MYO18B: variants seen among roughly 807,000 people sequenced by gnomAD.
The protein encoded by MYO18B is unconventional myosin-XVIIIb.
MYO18B carries 204 observed loss-of-function variants against 273.0 expected under a neutral mutation model. The ratio of observed to expected loss-of-function variants is 0.75; its 90% CI spans 0.67 to 0.84. The LOEUF (loss-of-function observed/expected upper bound fraction) is 0.84. MYO18B is among the 40% of genes least tolerant of loss of function. The pLI, the probability that MYO18B is intolerant of heterozygous loss-of-function variation, is 0.00. For synonymous variants in MYO18B, 1,330 were observed against 1,305.7 expected (o/e 1.02, Z -0.40); for missense variants, 3,212 against 3,287.6 (o/e 0.98, Z 0.56).
chr22:25,763,437 A>G (rs765408579), intron 3 of MYO18B, 48 bp downstream of exon 3: 13 of 1,573,346 alleles, frequency 8.3e-6, no homozygotes, highest in Non-Finnish European at 1.1e-5. Context: ...CATACCCATC[A>G]TTCTGTCTTG....
rs2092143087 is a variant in MYO18B at position 25,910,857 on chromosome 22, T to C, written c.5260-89T>C. On this transcript the variant is annotated intron_variant, in intron 32 of 43. Transcript: ENST00000335473. ...TGGAACAAAGCCACAAGCTCTACAT[T>C]CCTCCGCCTTCTGAGGGTCCTTGCC... The C allele has an allele frequency of 6.8e-6, 7 of 1,022,066 alleles. No homozygotes were observed. In the Middle Eastern group the frequency reaches 6.6e-4, roughly 97 times the overall value. 63.3% of individuals were successfully genotyped at this position (1,022,066 alleles called of 1,614,324 possible). A position where few individuals can be genotyped will look rare whatever the true frequency, so the allele number is the denominator to read the frequency against.
At chr22:25,778,866 C>T (rs1457672621) in intron 8 of MYO18B, among the ~76,000 whole-genome samples, 2 of 151,568 alleles carry the variant, frequency 1.3e-5, no homozygotes, top group Non-Finnish European at 1.5e-5. Context: ...AGATTGAAGG[C>T]ATTGAGATTC....
chr22:25,828,874 C>T lies in MYO18B; in HGVS notation c.2885C>T (p.Thr962Ile), dbSNP rs757406371. The change falls in exon 15 of 44, where the codon ACC (threonine) becomes ATC (isoleucine). Residue 962 changes from threonine to isoleucine, a missense_variant. By Grantham distance (89) the Thr-to-Ile change is moderately conservative. Transcript: ENST00000335473. ...CACCAGGGCAAGGACCGGGCGGCCA[C>T]CTTTGAGGAGCTGTGCCACAACTAC... ...PRHQGKDRAA[T>I]FEELCHNYAH... The T allele has an allele frequency of 1.2e-6, 2 of 1,614,016 alleles. No homozygotes were observed. Among genetic ancestry groups the T allele is most frequent in the Non-Finnish European group, 1.7e-6 (2 of 1,179,894 alleles).
chr22:25,834,078 G>T (rs2089810139), intron 16 of MYO18B, among the ~76,000 whole-genome samples: 1 of 152,090 alleles, frequency 6.6e-6, no homozygotes, highest in African/African-American at 2.4e-5. Context: ...TGATTTAGCA[G>T]TGTTGGCTGG....
chr22:26,039,952 G>A, the MYO18B span, among the ~76,000 whole-genome samples: 1,494 of 152,262 alleles, frequency 9.8e-3, 8 homozygotes, highest in Non-Finnish European at 0.016. Context: ...AGCCTCCTGA[G>A]TGGCTGGGAC....
intron 42 of MYO18B, among the ~76,000 whole-genome samples, chr22:26,019,053 T>G (rs750069209): frequency 6.6e-6 from 1 of 152,216 alleles, no homozygotes; most frequent in African/African-American, 2.4e-5. Flanking sequence ...GCTTCACAGT[T>G]TCTCTGGAAT....
At chr22:25,926,995 C>T (rs1172814946) in intron 34 of MYO18B, among the ~76,000 whole-genome samples, 1 of 152,202 alleles carries the variant, frequency 6.6e-6, no homozygotes, top group African/African-American at 2.4e-5. Context: ...AACACTTCCC[C>T]AGTCAGTACC....
At chr22:25,922,980 C>G (rs1239624786) in intron 34 of MYO18B, among the ~76,000 whole-genome samples, 3 of 152,234 alleles carry the variant, frequency 2.0e-5, no homozygotes, top group Non-Finnish European at 2.9e-5. Context: ...CAACCCGGGA[C>G]CACACTCTGC....
chr22:25,895,466 C>T (rs1295229073), intron 28 of MYO18B, 186 bp downstream of exon 28: 2 of 644,416 alleles, frequency 3.1e-6, no homozygotes, highest in African/African-American at 3.7e-5. Flanking sequence ...AAAATATTGT[C>T]TGTACATGTG....
the MYO18B span, among the ~76,000 whole-genome samples, chr22:26,044,105 T>C: frequency 6.6e-6 from 1 of 152,254 alleles, no homozygotes; most frequent in South Asian, 2.1e-4. Context: ...GAACCCATTT[T>C]CAAGAACTTA....
intron 9 of MYO18B, among the ~76,000 whole-genome samples, chr22:25,780,644 A>G (rs1013817932): frequency 6.7e-6 from 1 of 150,144 alleles, no homozygotes; most frequent in Non-Finnish European, 1.5e-5. Flanking sequence ...AGAAAATAGT[A>G]ATAATAATAA....
intron 39 of MYO18B, among the ~76,000 whole-genome samples, chr22:25,967,842 C>T (rs1300651630): frequency 1.3e-5 from 2 of 152,194 alleles, no homozygotes; most frequent in African/African-American, 4.8e-5. Flanking sequence ...TATCTGTTTG[C>T]CAGAGCTGAC....
In MYO18B at chr22:25,810,433, ATTT is replaced by A. The variant is rs369429871; in HGVS notation, c.2521+12352_2521+12354del. Among the ~76,000 whole-genome samples, 173 of 96,854 alleles carry A rather than the reference ATTT, an allele frequency of 1.8e-3. 8 individuals carry two copies. The South Asian group carries it at 0.047, about 26-fold the overall frequency. The allele number at this position is 96,854 out of a possible 152,430, so 63.5% of individuals were successfully genotyped here. ...TTTTTTTTTTTTTTAATAGGCTATA[ATTT>A]TTTTTTTTTTTTTTTGAGATGGTGT... On this transcript the variant is annotated intron_variant, in intron 12 of 43. Transcript: ENST00000335473.
intron 9 of MYO18B, among the ~76,000 whole-genome samples, chr22:25,781,353 T>G (rs2087141001): frequency 6.6e-6 from 1 of 152,166 alleles, no homozygotes; most frequent in Admixed American, 6.5e-5. Flanking sequence ...CTCACGCCTG[T>G]AATCCCAGCA....
At chr22:25,885,822 CCCTT>C (rs1189132421) in intron 25 of MYO18B, among the ~76,000 whole-genome samples, 1 of 152,168 alleles carries the variant, frequency 6.6e-6, no homozygotes, top group Non-Finnish European at 1.5e-5. Context: ...CCATAACTGT[CCCTT>C]CATTCTAGAG....
chr22:25,797,564 C>A (rs762505234), intron 11 of MYO18B, among the ~76,000 whole-genome samples: 1 of 152,174 alleles, frequency 6.6e-6, no homozygotes, highest in Non-Finnish European at 1.5e-5. Context: ...GCCTACCTAC[C>A]ACTTAGCCCT....
At chr22:25,860,839 T>C (rs1264978020) in intron 21 of MYO18B, among the ~76,000 whole-genome samples, 1 of 152,128 alleles carries the variant, frequency 6.6e-6, no homozygotes, top group African/African-American at 2.4e-5. Flanking sequence ...AGATGTTAGT[T>C]GGGGCAATTT....
chr22:25,866,828 C>T (rs934231285), intron 21 of MYO18B, among the ~76,000 whole-genome samples: 5 of 144,456 alleles, frequency 3.5e-5, no homozygotes, highest in South Asian at 2.3e-4. Flanking sequence ...TACTATAGTG[C>T]GTACAGAAAA....
chr22:25,791,159 G>GGAGA (rs1217752028), intron 11 of MYO18B, among the ~76,000 whole-genome samples: 6 of 12,990 alleles, frequency 4.6e-4, no homozygotes, highest in Non-Finnish European at 2.4e-3. Context: ...ATTCCAAGCT[G>GGAGA]GAGAGATATG....
Sources: gnomAD v4.1 joint callset for allele counts (sites outside exome capture counted in the v4.1 genomes callset) on GRCh38, gnomAD v4.1.1 for gene constraint, MANE v1.5 for transcripts, NCBI Gene and HGNC (gene_info 2026-07-23, HGNC 2026-07-21) for gene names.